Variants in MOBP observed in about 807,000 individuals in gnomAD.
MOBP encodes myelin associated oligodendrocyte basic protein.
Under a neutral mutation model 15.0 loss-of-function variants are expected in MOBP, and 5 were observed. That is an observed-to-expected ratio of 0.33 (90% CI 0.17 to 0.70). The LOEUF is 0.70. Among genes scored for constraint, MOBP ranks in the 30% least tolerant of loss-of-function variants. The probability of loss-of-function intolerance (pLI) is 0.67; values close to 1 mark genes in which losing one functional copy is unlikely to be tolerated. For missense variants in MOBP, 188 were observed against 257.8 expected (o/e 0.73, Z 1.85); for synonymous variants, 88 against 99.0 (o/e 0.89, Z 0.66).
At chr3:39,495,968 T>A (rs530790713) in intron 2 of MOBP, among the ~76,000 whole-genome samples, 2 of 151,974 alleles carry the variant, frequency 1.3e-5, no homozygotes, top group South Asian at 4.1e-4. Context: ...ATTACAGATT[T>A]ATTACAAATT....
chr3:39,502,465 C>T lies in MOBP; in HGVS notation c.207-70C>T, dbSNP rs773638640. 31 of 1,535,710 alleles carry T rather than the reference C, an allele frequency of 2.0e-5. No homozygotes were observed. The highest frequency in any genetic ancestry group is 4.8e-5 in the South Asian group (4 of 83,768). Reference sequence around the variant, plus strand: ...AGGGCCTTCCTACCTGTTTCCAGCTCCTGCCAGCGTCGCTTAAGCAGCAGA... The same window carrying T: ...AGGGCCTTCCTACCTGTTTCCAGCTTCTGCCAGCGTCGCTTAAGCAGCAGA... On this transcript the variant is annotated intron_variant, in intron 3 of 3. Coordinates refer to ENST00000684792, the MANE Select transcript of MOBP (RefSeq NM_001393704.1). This position sits in a 1 kb window ranked among gnomAD's most constrained non-coding sequence, Gnocchi z 6.3.
downstream of MOBP, among the ~76,000 whole-genome samples, chr3:39,519,586 A>G (rs1424978482): frequency 1.4e-5 from 2 of 146,214 alleles, no homozygotes; most frequent in African/African-American, 5.1e-5. Flanking sequence ...TCTTTTTACC[A>G]TGGTAATCTG....
At chr3:39,516,187 A>G (rs1469474168), downstream of MOBP, among the ~76,000 whole-genome samples, 2 of 152,230 alleles carry the variant, frequency 1.3e-5, no homozygotes, top group East Asian at 3.8e-4. Flanking sequence ...AATTTTCTCC[A>G]CTAGGCTTGA....
At chr3:39,505,393 G>A (rs1299313308), downstream of MOBP, among the ~76,000 whole-genome samples, 1 of 152,228 alleles carries the variant, frequency 6.6e-6, no homozygotes, top group Non-Finnish European at 1.5e-5. Flanking sequence ...CCAGGTAACA[G>A]CAGAGCTAGA....
At position 39,469,110 on chromosome 3, in the gene MOBP, ATATATACATATATACATATGTGTGTG is replaced by A. The variant is rs1559412091; in HGVS notation, c.-89+1398_-89+1423del. 3.3e-4 allele frequency among the ~76,000 whole-genome samples: 16 copies of A among 48,146 alleles called. 3 individuals carry two copies. The highest frequency in any genetic ancestry group is 5.1e-4 in the South Asian group (1 of 1,952). 31.6% of individuals were successfully genotyped at this position (48,146 alleles called of 152,430 possible). On this transcript the variant is annotated intron_variant, in intron 1 of 3. Transcript: ENST00000684792. ...TATACATATATACATATGTGTGTGT[ATATATACATATATACATATGTGTGTG>A]TATATACATATATACATATGTGTGT...
exon 5 of MOBP, chr3:39,514,268 G>A (rs2043164864): frequency 6.6e-6 from 1 of 152,230 alleles, no homozygotes; most frequent in African/African-American, 2.4e-5. Context: ...CCCAACTCTA[G>A]AATTGACTGC....
Position 39,481,407 on chromosome 3 carries a change from C to G in MOBP, c.-5+1284C>G, listed in dbSNP as rs914404593. Among the ~76,000 whole-genome samples the G allele has an allele frequency of 4.6e-5, 7 of 152,338 alleles. No homozygotes were observed. The East Asian group carries it at 1.3e-3, about 29-fold the overall frequency. On this transcript the variant is annotated intron_variant, in intron 2 of 3. Coordinates refer to ENST00000684792, the MANE Select transcript of MOBP (RefSeq NM_001393704.1). The stretch of plus-strand genomic sequence containing the variant: ...TCTTCTCTCTTCTAACAAAGACCAA[C>G]CATTTTGCATGTGCTCTGCACTCTA...
rs1188974533 is a variant in MOBP at position 39,480,301 on chromosome 3, TG to T, written c.-5+181del. ...ACATGGCTCACCCTATTCTAGGTTC[TG>T]GGAGCAGAAATATAAAAAAAAATTT... On this transcript the variant is annotated intron_variant, in intron 2 of 3. Transcript: ENST00000684792. 5.9e-5 allele frequency among the ~76,000 whole-genome samples: 9 copies of T among 152,316 alleles called. No individual in the cohort carries two copies. In the East Asian group the frequency reaches 1.5e-3, roughly 26 times the overall value.
At chr3:39,513,648 G>T in exon 5 of MOBP, 1 of 548,760 alleles carries the variant, frequency 1.8e-6, no homozygotes, top group Non-Finnish European at 3.2e-6. Flanking sequence ...CAGTCAGGGG[G>T]TTCCAGCAGC....
intron 2 of MOBP, among the ~76,000 whole-genome samples, chr3:39,496,420 T>C (rs572491010): frequency 6.6e-5 from 10 of 152,058 alleles, no homozygotes; most frequent in South Asian, 6.2e-4. Context: ...AGGATGGTCT[T>C]GATCTCCTAA....
At chr3:39,507,276 A>G (rs1322711786), downstream of MOBP, among the ~76,000 whole-genome samples, 1 of 152,220 alleles carries the variant, frequency 6.6e-6, no homozygotes, top group Non-Finnish European at 1.5e-5. Flanking sequence ...ATCTCAGCAA[A>G]TAACACAGCT....
chr3:39,506,200 G>C (rs1214278379), downstream of MOBP, among the ~76,000 whole-genome samples: 1 of 152,122 alleles, frequency 6.6e-6, no homozygotes, highest in East Asian at 1.9e-4. Context: ...CATATTGACT[G>C]TTTGTTCACG....
At chr3:39,519,689 A>C (rs1232192155), downstream of MOBP, among the ~76,000 whole-genome samples, 2 of 152,062 alleles carry the variant, frequency 1.3e-5, no homozygotes, top group African/African-American at 4.8e-5. Flanking sequence ...TCAGCTGTCT[A>C]GTATATTTAT....
chr3:39,504,279 A>G (rs544037465), downstream of MOBP, among the ~76,000 whole-genome samples: 9 of 152,340 alleles, frequency 5.9e-5, no homozygotes, highest in South Asian at 1.9e-3. Context: ...TGATATATGG[A>G]AGTAGTTAGA....
At chr3:39,496,651 G>A (rs1231834842) in intron 2 of MOBP, among the ~76,000 whole-genome samples, 5 of 145,982 alleles carry the variant, frequency 3.4e-5, no homozygotes, top group Admixed American at 2.0e-4. Context: ...CCACCACCAC[G>A]CCCGGCTAAT....
chr3:39,474,968 A>G (rs979988082), intron 1 of MOBP, among the ~76,000 whole-genome samples: 1 of 152,192 alleles, frequency 6.6e-6, no homozygotes, highest in Non-Finnish European at 1.5e-5. Flanking sequence ...TTATTAATTA[A>G]CTGTAGACTC....
At chr3:39,498,321 G>C (rs372212183) in intron 2 of MOBP, among the ~76,000 whole-genome samples, 142 of 139,688 alleles carry the variant, frequency 1.0e-3, no homozygotes, top group African/African-American at 4.2e-3. Context: ...AGAGTTAGGA[G>C]GGCAGTTTTT....
intron 1 of MOBP, among the ~76,000 whole-genome samples, chr3:39,474,794 AG>A (rs1408758127): frequency 1.3e-5 from 2 of 152,194 alleles, no homozygotes; most frequent in African/African-American, 4.8e-5. Flanking sequence ...AAAACAAGTA[AG>A]GTTTTTTTGC....
chr3:39,509,556 G>C (rs10452013), intron 4 of MOBP, among the ~76,000 whole-genome samples: 2 of 151,744 alleles, frequency 1.3e-5, no homozygotes, highest in South Asian at 2.1e-4. Flanking sequence ...TATAAAAATC[G>C]GATTGTTTTA....
Sources: allele counts gnomAD v4.1 joint callset (sites outside exome capture counted in the v4.1 genomes callset), GRCh38; gene constraint gnomAD v4.1.1; non-coding constraint Gnocchi (gnomAD v3.1); transcripts MANE v1.5; gene names NCBI Gene and HGNC (gene_info 2026-07-23, HGNC 2026-07-21).